The following FUT8 variants were observed in gnomAD, a reference collection of about 807,000 sequenced individuals.
FUT8 encodes the protein alpha-(1,6)-fucosyltransferase.
In FUT8, 29 loss-of-function variants were observed where a neutral mutation model predicts 71.3. That is an observed-to-expected ratio of 0.41 (90% confidence interval 0.30 to 0.55). FUT8 has a LOEUF of 0.55. FUT8 is among the 20% of genes least tolerant of loss of function. The pLI, the probability that FUT8 is intolerant of heterozygous loss-of-function variation, is 0.34. For missense variants in FUT8, 544 were observed against 702.1 expected, an observed-to-expected ratio of 0.77 and a Z score of 2.55; for synonymous variants, 254 against 239.3, an observed-to-expected ratio of 1.06 and a Z score of -0.57.
intron 6 of FUT8, among the ~76,000 whole-genome samples, chr14:65,667,052 AG>A (rs950375063): frequency 4.6e-5 from 7 of 152,192 alleles, no homozygotes; most frequent in Non-Finnish European, 7.4e-5. Flanking sequence ...ACAGACCCAC[AG>A]ACAACATCAT....
intron 3 of FUT8, among the ~76,000 whole-genome samples, chr14:65,599,319 C>T (rs1338904265): frequency 6.6e-6 from 1 of 152,090 alleles, no homozygotes; most frequent in Non-Finnish European, 1.5e-5. Flanking sequence ...CCATGTTTCC[C>T]CCCATCTCCC....
rs1183492751 is a variant in FUT8 at position 65,413,465 on chromosome 14, C to T, written c.-326+251C>T. Among the ~76,000 whole-genome samples, 1 of 150,598 alleles carries T rather than the reference C, an allele frequency of 6.6e-6. No individual in the cohort carries two copies. Among genetic ancestry groups the T allele is most frequent in the Non-Finnish European group, 1.5e-5 (1 of 67,566 alleles). The stretch of plus-strand genomic sequence containing the variant: ...GGCGCCCGCCTCTCCAGCCGGGACG[C>T]GGAGCTGCGCCGCTGCTGCCCTCGG... On this transcript the variant is annotated intron_variant, in intron 1 of 10. Coordinates refer to ENST00000673929, the MANE Select transcript of FUT8 (RefSeq NM_001371533.1). This position sits in a 1 kb window ranked among gnomAD's most constrained non-coding sequence, Gnocchi z 4.1.
intron 1 of FUT8, among the ~76,000 whole-genome samples, chr14:65,418,251 A>G (rs1251854890): frequency 1.3e-5 from 2 of 152,250 alleles, no homozygotes; most frequent in African/African-American, 2.4e-5. Context: ...TTAACGTATA[A>G]CTAAAATGAA....
chr14:65,504,363 G>A (rs1192432621), intron 2 of FUT8, among the ~76,000 whole-genome samples: 1 of 152,094 alleles, frequency 6.6e-6, no homozygotes, highest in Non-Finnish European at 1.5e-5. Flanking sequence ...TTTTGTGTGG[G>A]ATATGTTTCA....
At chr14:65,454,516 G>A (rs1252209664) in intron 1 of FUT8, among the ~76,000 whole-genome samples, 3 of 152,088 alleles carry the variant, frequency 2.0e-5, no homozygotes, top group South Asian at 2.1e-4. Flanking sequence ...GAAAATAGTT[G>A]TGTTACCTTT....
intron 6 of FUT8, among the ~76,000 whole-genome samples, chr14:65,640,341 A>G (rs1890767959): frequency 6.6e-6 from 1 of 152,062 alleles, no homozygotes; most frequent in African/African-American, 2.4e-5. Flanking sequence ...TAGTTATGAT[A>G]TTGATTTTTT....
At chr14:65,691,645 G>C (rs942471763) in intron 7 of FUT8, among the ~76,000 whole-genome samples, 3 of 151,648 alleles carry the variant, frequency 2.0e-5, no homozygotes, top group Non-Finnish European at 4.4e-5. Flanking sequence ...GGTGTTTCTC[G>C]CAGAGGGGGA....
In FUT8 at chr14:65,483,644, T is replaced by C. The variant is rs187107977; in HGVS notation, c.-228+27926T>C. Reference sequence around the variant, plus strand: ...TTTATTGTTTTCAATGTACTGATCTTACCCATATTTTATTAGGTTGATCTT... The same window carrying C: ...TTTATTGTTTTCAATGTACTGATCTCACCCATATTTTATTAGGTTGATCTT... On this transcript the variant is annotated intron_variant, in intron 2 of 10. Coordinates refer to ENST00000673929, the MANE Select transcript of FUT8 (RefSeq NM_001371533.1). This position sits in a 1 kb window ranked among gnomAD's most constrained non-coding sequence, Gnocchi z 4.4. 1.6e-3 allele frequency among the ~76,000 whole-genome samples: 237 copies of C among 152,340 alleles called. No homozygotes were observed. Among genetic ancestry groups the C allele is most frequent in the African/African-American group, 4.9e-3 (205 of 41,590 alleles).
chr14:65,410,045 T>C (rs2065106492), upstream of FUT8, among the ~76,000 whole-genome samples: 1 of 152,152 alleles, frequency 6.6e-6, no homozygotes, highest in African/African-American at 2.4e-5. Context: ...GACCTGCAGC[T>C]TGTGGAAAAA....
intron 6 of FUT8, among the ~76,000 whole-genome samples, chr14:65,640,574 G>A (rs1421244167): frequency 6.6e-6 from 1 of 151,966 alleles, no homozygotes; most frequent in Non-Finnish European, 1.5e-5. Context: ...TATTTAATTT[G>A]AAGATAAGAA....
chr14:65,562,773 A>G (rs376054553), intron 3 of FUT8, among the ~76,000 whole-genome samples: 9 of 152,248 alleles, frequency 5.9e-5, no homozygotes, highest in Admixed American at 2.0e-4. Flanking sequence ...GAAACATCCA[A>G]TTGTACAGAA....
intron 2 of FUT8, among the ~76,000 whole-genome samples, chr14:65,514,492 C>A (rs891891515): frequency 2.0e-5 from 3 of 152,184 alleles, no homozygotes; most frequent in Non-Finnish European, 4.4e-5. Context: ...TGACCAAACC[C>A]TTGTTCCTGC....
chr14:65,436,957 G>C (rs2065571120), intron 1 of FUT8, among the ~76,000 whole-genome samples: 1 of 152,194 alleles, frequency 6.6e-6, no homozygotes, highest in South Asian at 2.1e-4. Context: ...ATGCCCTACA[G>C]GCAGTATGTC....
At position 65,614,994 on chromosome 14, in the gene FUT8, A is replaced by G. The variant is rs564395956; in HGVS notation, c.204-984A>G. On this transcript the variant is annotated intron_variant, in intron 3 of 10. Coordinates refer to ENST00000673929, the MANE Select transcript of FUT8 (RefSeq NM_001371533.1). ...TAAGTTGAACAGAGAGGTTGATAAT[A>G]TAAGTAAGAGATCTTGGATTGCTGT... Among the ~76,000 whole-genome samples, 15 of 152,350 alleles carry G rather than the reference A, an allele frequency of 9.8e-5. No individual in the cohort carries two copies. In the South Asian group the frequency reaches 3.1e-3, roughly 32 times the overall value.
rs1776099969 is a variant in FUT8, at chr14:65,666,224, T to TCAGTGAA, written c.598-3019_598-3018insCAGTGAA. Among the ~76,000 whole-genome samples the TCAGTGAA allele has an allele frequency of 2.0e-5, 3 of 152,286 alleles. No homozygotes were observed. In the South Asian group the frequency reaches 6.2e-4, roughly 32 times the overall value. On this transcript the variant is annotated intron_variant, in intron 6 of 10. Transcript: ENST00000673929. ...TCTCCTTAAATATGTACATACGGTTTTCTTTGGATTCACTGAAATCCAATC... is the reference window on the plus strand; with the variant it reads ...TCTCCTTAAATATGTACATACGGTTTCAGTGAATCTTTGGATTCACTGAAATCCAATC...
intron 1 of FUT8, among the ~76,000 whole-genome samples, chr14:65,421,400 A>ATG (rs1441835983): frequency 6.6e-6 from 1 of 152,108 alleles, no homozygotes; most frequent in African/African-American, 2.4e-5. Flanking sequence ...GCAGGCACAC[A>ATG]TGGTGTAACT....
chr14:65,657,094 A>G (rs1253750649), intron 6 of FUT8, among the ~76,000 whole-genome samples: 2 of 152,200 alleles, frequency 1.3e-5, no homozygotes, highest in East Asian at 1.9e-4. Context: ...TTGAGTGGGT[A>G]AAGATTTCTT....
chr14:65,572,092 G>A (rs1886509906), intron 3 of FUT8, among the ~76,000 whole-genome samples: 1 of 152,118 alleles, frequency 6.6e-6, no homozygotes, highest in Non-Finnish European at 1.5e-5. Context: ...CCTATTCATA[G>A]GAGAGTTGCA....
chr14:65,457,625 C>CT (rs1441049068), intron 2 of FUT8, among the ~76,000 whole-genome samples: 1 of 152,126 alleles, frequency 6.6e-6, no homozygotes, highest in East Asian at 1.9e-4. Context: ...GCTCACAACA[C>CT]TAAAGATTTC....
Sources: allele counts gnomAD v4.1 joint callset (sites outside exome capture counted in the v4.1 genomes callset), GRCh38; gene constraint gnomAD v4.1.1; non-coding constraint Gnocchi (gnomAD v3.1); transcripts MANE v1.5; gene names NCBI Gene and HGNC (gene_info 2026-07-23, HGNC 2026-07-21).